The following DLGAP2 variants were observed in gnomAD, a reference collection of about 807,000 sequenced individuals.
DLGAP2 encodes DLG associated protein 2, also known as disks large-associated protein 2.
In DLGAP2, 26 loss-of-function variants were observed where a neutral mutation model predicts 100.3. The observed-to-expected ratio is 0.26, with a 90% CI of 0.19 to 0.36. The LOEUF is 0.36. Among genes scored for constraint, DLGAP2 ranks in the 10% least tolerant of loss-of-function variants. The pLI, the probability that DLGAP2 is intolerant of heterozygous loss-of-function variation, is 1.00. For synonymous variants in DLGAP2, 886 were observed against 630.1 expected, an observed-to-expected ratio of 1.41 and a Z score of -6.08; for missense variants, 1,858 against 1,453.2, an observed-to-expected ratio of 1.28 and a Z score of -4.53.
chr8:831,672 AC>A lies in DLGAP2; in HGVS notation c.19-76239del, dbSNP rs571861073. On this transcript the variant is annotated intron_variant, in intron 1 of 14. Transcript: ENST00000637795. ...GCTATTGTTAATAGTGCCACAGTAAACATACATGTGCATGTGTCTTTATAGT... is the reference window on the plus strand; with the variant it reads ...GCTATTGTTAATAGTGCCACAGTAAAATACATGTGCATGTGTCTTTATAGT... Among the ~76,000 whole-genome samples the A allele has an allele frequency of 4.6e-3, 694 of 152,324 alleles. 1 individual carries two copies. Among genetic ancestry groups the A allele is most frequent in the Non-Finnish European group, 7.4e-3 (504 of 68,034 alleles).
chr8:993,665 T>C (rs1263251793), intron 2 of DLGAP2, among the ~76,000 whole-genome samples: 2 of 152,126 alleles, frequency 1.3e-5, no homozygotes, highest in African/African-American at 4.8e-5. Context: ...GATTCTGCCA[T>C]TTAGCCTGAG....
chr8:1,388,823 G>A (rs1440535656), intron 3 of DLGAP2, among the ~76,000 whole-genome samples: 9 of 132,120 alleles, frequency 6.8e-5, no homozygotes, highest in African/African-American at 2.6e-4. Context: ...CCGTGGATGA[G>A]GAGGCGCTGG....
At chr8:1,473,088 AC>A (rs1242200861) in intron 3 of DLGAP2, among the ~76,000 whole-genome samples, 1 of 151,930 alleles carries the variant, frequency 6.6e-6, no homozygotes, top group Non-Finnish European at 1.5e-5. Flanking sequence ...CTGCCACCAC[AC>A]CTGGCTAATT....
intron 3 of DLGAP2, among the ~76,000 whole-genome samples, chr8:1,411,553 G>T (rs1796731526): frequency 6.6e-6 from 1 of 152,138 alleles, no homozygotes; most frequent in Admixed American, 6.5e-5. Flanking sequence ...TAGAGCCTTG[G>T]GCAGATTAAA....
chr8:880,730 T>C (rs1347936105), intron 1 of DLGAP2, among the ~76,000 whole-genome samples: 1 of 152,276 alleles, frequency 6.6e-6, no homozygotes, highest in East Asian at 1.9e-4. Flanking sequence ...ATGGTATCTG[T>C]GCTGGGGAGA....
At chr8:949,427 G>A (rs918121491) in intron 2 of DLGAP2, among the ~76,000 whole-genome samples, 12 of 152,046 alleles carry the variant, frequency 7.9e-5, no homozygotes, top group African/African-American at 2.9e-4. Flanking sequence ...GCGGATCCAG[G>A]AGAGAGGATG....
At chr8:961,480 G>A (rs978452996) in intron 2 of DLGAP2, among the ~76,000 whole-genome samples, 1 of 152,144 alleles carries the variant, frequency 6.6e-6, no homozygotes, top group African/African-American at 2.4e-5. Flanking sequence ...TTTAAGGTGT[G>A]TACTTAAGCC....
At position 1,149,131 on chromosome 8, in the gene DLGAP2, C is replaced by T. The variant is rs1214224866; in HGVS notation, c.74-109720C>T. Reference sequence around the variant, plus strand: ...CTTCCTGAAAAATTCACTATTTTATCATTGTGGAATTACCCTCTTTTTTTT... The same window carrying T: ...CTTCCTGAAAAATTCACTATTTTATTATTGTGGAATTACCCTCTTTTTTTT... On this transcript the variant is annotated intron_variant, in intron 2 of 14. Coordinates refer to ENST00000637795, the MANE Select transcript of DLGAP2 (RefSeq NM_001346810.2). Among the ~76,000 whole-genome samples, 13 of 146,532 alleles carry T rather than the reference C, an allele frequency of 8.9e-5. No homozygotes were observed. In the East Asian group the frequency reaches 2.5e-3, roughly 29 times the overall value.
intron 1 of DLGAP2, among the ~76,000 whole-genome samples, chr8:877,192 C>G (rs187930109): frequency 6.6e-6 from 1 of 152,180 alleles, no homozygotes; most frequent in African/African-American, 2.4e-5. Flanking sequence ...ATCATACTTT[C>G]CTATCTCTTT....
intron 2 of DLGAP2, among the ~76,000 whole-genome samples, chr8:912,436 T>G (rs1798503983): frequency 1.3e-5 from 2 of 152,308 alleles, no homozygotes; most frequent in East Asian, 3.9e-4. Flanking sequence ...CTGGTCCGCG[T>G]TTATCAACTG....
chr8:1,676,468 C>A, intron 10 of DLGAP2, 65 bp from the exon 11 acceptor site: 1 of 1,509,388 alleles, frequency 6.6e-7, no homozygotes, highest in Non-Finnish European at 9.0e-7. Context: ...ACAACAACAA[C>A]AAAATAGTCC....
At chr8:1,558,053 C>T (rs1312665742) in intron 5 of DLGAP2, among the ~76,000 whole-genome samples, 1 of 152,214 alleles carries the variant, frequency 6.6e-6, no homozygotes, top group Non-Finnish European at 1.5e-5. Context: ...CATTGGCTGG[C>T]ACCTCCTGGC....
chr8:938,834 G>A (rs1015212334), intron 2 of DLGAP2, among the ~76,000 whole-genome samples: 4 of 152,222 alleles, frequency 2.6e-5, no homozygotes, highest in Non-Finnish European at 5.9e-5. Flanking sequence ...TGCCTCAGAG[G>A]CCAAGGAGAG....
rs543146757 is a variant in DLGAP2, at chr8:1,597,133, ATTGT to A, written c.1443-29600_1443-29597del. 2.0e-3 allele frequency among the ~76,000 whole-genome samples: 298 copies of A among 152,206 alleles called. 1 individual carries two copies. The highest frequency in any genetic ancestry group is 6.8e-3 in the African/African-American group (282 of 41,516). On this transcript the variant is annotated intron_variant, in intron 6 of 14. Coordinates refer to ENST00000637795, the MANE Select transcript of DLGAP2 (RefSeq NM_001346810.2). ...TTATTAAATATGGAATCCTTTCCCC[ATTGT>A]TTGTTTTTGTCAGGTTTGTCAAAGA...
chr8:845,045 C>G (rs75431557), intron 1 of DLGAP2, among the ~76,000 whole-genome samples: 1,921 of 152,272 alleles, frequency 0.013, 44 homozygotes, highest in African/African-American at 0.044. Context: ...TACAGATATA[C>G]CACATTTTAT....
chr8:1,692,662 G>A (rs1184495889), intron 13 of DLGAP2, among the ~76,000 whole-genome samples: 1 of 152,014 alleles, frequency 6.6e-6, no homozygotes, highest in African/African-American at 2.4e-5. Context: ...TAAGGTGCCT[G>A]GAAATAAAAA....
chr8:1,228,147 C>G (rs569272742), intron 2 of DLGAP2, among the ~76,000 whole-genome samples: 1 of 150,632 alleles, frequency 6.6e-6, no homozygotes, highest in Non-Finnish European at 1.5e-5. Context: ...TTAATGGGTG[C>G]AGCACACCAA....
chr8:1,216,068 C>G (rs949899771), intron 2 of DLGAP2, among the ~76,000 whole-genome samples: 2 of 152,138 alleles, frequency 1.3e-5, no homozygotes, highest in African/African-American at 4.8e-5. Flanking sequence ...TTGGTTGGCT[C>G]CAAGTTTGAA....
intron 1 of DLGAP2, among the ~76,000 whole-genome samples, chr8:880,942 A>G (rs1797777593): frequency 6.6e-6 from 1 of 152,242 alleles, no homozygotes; most frequent in Admixed American, 6.5e-5. Flanking sequence ...CGTATCACTT[A>G]ATATCTAATT....
Sources: allele counts gnomAD v4.1 joint callset (sites outside exome capture counted in the v4.1 genomes callset), GRCh38; gene constraint gnomAD v4.1.1; transcripts MANE v1.5; gene names NCBI Gene and HGNC (gene_info 2026-07-23, HGNC 2026-07-21).